SLC13A5: variants seen among roughly 807,000 people sequenced by gnomAD.
SLC13A5 encodes Na(+)/citrate cotransporter.
A neutral mutation model predicts 56.5 loss-of-function variants in SLC13A5; 25 were observed. That is an observed-to-expected ratio of 0.44 (90% CI 0.32 to 0.62). The LOEUF (loss-of-function observed/expected upper bound fraction) is 0.62. Ranked by LOEUF, SLC13A5 falls within the 20% of genes least tolerant of loss-of-function variation. The probability of loss-of-function intolerance (pLI) is 0.04; values close to 1 mark genes in which losing one functional copy is unlikely to be tolerated. For synonymous variants in SLC13A5, 307 were observed against 301.5 expected (o/e 1.02, Z -0.19); for missense variants, 649 against 737.8 (o/e 0.88, Z 1.39).
At chr17:6,690,583 A>G (rs956603847) in intron 10 of SLC13A5, among the ~76,000 whole-genome samples, 196 bp downstream of exon 10, 3 of 152,212 alleles carry the variant, frequency 2.0e-5, no homozygotes, top group African/African-American at 7.2e-5. Flanking sequence ...GGAGGGGTAC[A>G]AAGAGGAGTG....
chr17:6,704,722 G>C (rs1973819879), intron 3 of SLC13A5: 1 of 170,224 alleles, frequency 5.9e-6, no homozygotes, highest in African/African-American at 2.4e-5. Context: ...TGTAACCCCT[G>C]CTCCCTTCTC....
chr17:6,689,705 C>T (rs543973672), intron 10 of SLC13A5: 20 of 152,280 alleles, frequency 1.3e-4, no homozygotes, highest in African/African-American at 4.8e-4. Context: ...ATTTTTAACA[C>T]TTTCATCTTC....
At position 6,686,220 on chromosome 17, in the gene SLC13A5, T is replaced by C. The variant is rs745422423; in HGVS notation, c.1694A>G (p.His565Arg). The change falls in exon 12 of 12, where the codon CAT becomes CGT. Residue 565 changes from histidine to arginine, a missense_variant. By Grantham distance (29) the His-to-Arg change is conservative (BLOSUM62 0). Coordinates refer to ENST00000433363, the MANE Select transcript of SLC13A5 (RefSeq NM_177550.5). ...TTGTGGCTCTTCCTAAGTCTCAATA[T>C]GTGTCACATTAGCCCAGTCAGGGAA... ...DHFPDWANVT[H>R]IET The C allele has an allele frequency of 6.2e-6, 10 of 1,614,122 alleles. No homozygotes were observed. Among genetic ancestry groups the C allele is most frequent in the Non-Finnish European group, 7.6e-6 (9 of 1,180,020 alleles).
Position 6,687,563 on chromosome 17 carries a change from AC to A in SLC13A5, c.1540del (p.Val514CysfsTer13). ...LPVATPPNAI[V>X]FTYGHLKVAD... is the part of the protein sequence containing the mutation. ...AACCTTGAGGTGCCCATAGGTGAAC[AC>A]GATGGCATTTGGAGGGGTGGCCACA... On this transcript the variant is annotated frameshift_variant, in exon 11 of 12. Transcript: ENST00000433363. LOFTEE classifies it high-confidence loss of function. The surrounding 1 kb of genome is among the most constrained non-coding windows in gnomAD (Gnocchi z 5.0). 1 of 1,613,964 alleles carries A rather than the reference AC, an allele frequency of 6.2e-7. No individual in the cohort carries two copies.
At chr17:6,690,696 A>G in intron 10 of SLC13A5, 83 bp downstream of exon 10, 2 of 1,587,520 alleles carry the variant, frequency 1.3e-6, no homozygotes, top group Non-Finnish European at 1.7e-6. Flanking sequence ...TGGCCTGGAC[A>G]TTGCTGCCTC....
At chr17:6,696,240 C>T (rs1158083557) in intron 6 of SLC13A5, among the ~76,000 whole-genome samples, 1 of 152,162 alleles carries the variant, frequency 6.6e-6, no homozygotes, top group African/African-American at 2.4e-5. Context: ...GCTTCGGAGC[C>T]TGCGCAAGGT....
At position 6,711,592 on chromosome 17, in the gene SLC13A5, G is replaced by GTT. The variant is rs1974032650; in HGVS notation, c.102+1639_102+1640insAA. Among the ~76,000 whole-genome samples, 1 of 150,992 alleles carries GTT rather than the reference G, an allele frequency of 6.6e-6. No homozygotes were observed. Among genetic ancestry groups the GTT allele is most frequent in the African/African-American group, 2.4e-5 (1 of 41,020 alleles). ...TGTGTGTCTGTGTTTGTGTGTTTGGGTGTGTGTTTGTGCGTGTGTTTTTGT... is the reference window on the plus strand; with the variant it reads ...TGTGTGTCTGTGTTTGTGTGTTTGGGTTTGTGTGTTTGTGCGTGTGTTTTTGT... On this transcript the variant is annotated intron_variant, in intron 1 of 11. Transcript: ENST00000433363. This position sits in a 1 kb window ranked among gnomAD's most constrained non-coding sequence, Gnocchi z 4.0.
rs1223073326 is a variant in SLC13A5 at position 6,707,090 on chromosome 17, C to G, written c.169G>C (p.Ala57Pro). ...IYWCTEVIPLAVTSLMPVLLF... is the reference protein window; with the variant it reads ...IYWCTEVIPLPVTSLMPVLLF... ...AAGACAGGCATGAGAGAGGTGACAG[C>G]CAGAGGGATGACTTCTGTGCACCAG... The change falls in exon 2 of 12, where the codon GCT becomes CCT. Residue 57 changes from alanine (A) to proline (P), a missense_variant. By Grantham distance (27) the Ala-to-Pro change is conservative. Coordinates refer to ENST00000433363, the MANE Select transcript of SLC13A5 (RefSeq NM_177550.5). The G allele has an allele frequency of 6.2e-7, 1 of 1,613,906 alleles. No individual in the cohort carries two copies. The highest frequency in any genetic ancestry group is 2.2e-5 in the East Asian group (1 of 44,884).
chr17:6,693,707 A>T (rs957993749), intron 8 of SLC13A5: 2 of 161,680 alleles, frequency 1.2e-5, no homozygotes, highest in East Asian at 3.6e-4. Flanking sequence ...CAAAAGTGGT[A>T]GAAGAAACAA....
Position 6,685,192 on chromosome 17 carries a change from G to A in SLC13A5, c.*1015C>T, listed in dbSNP as rs1197309472. 1 of 152,260 alleles carries A rather than the reference G, an allele frequency of 6.6e-6. No individual in the cohort carries two copies. The highest frequency in any genetic ancestry group is 1.5e-5 in the Non-Finnish European group (1 of 68,076). The allele number at this position is 152,260 out of a possible 1,614,324, so 9.4% of individuals were successfully genotyped here. A position where few individuals can be genotyped will look rare whatever the true frequency, so the allele number is the denominator to read the frequency against. On this transcript the variant is annotated 3_prime_UTR_variant, in exon 12 of 12. Transcript: ENST00000433363. The surrounding 1 kb of genome is among the most constrained non-coding windows in gnomAD (Gnocchi z 4.2). ...TTTACCCAGAGGAGCTCAAACGCTG[G>A]CATGAAAGACTCTGAAGTGGCATAG...
chr17:6,692,073 C>T lies in SLC13A5; in HGVS notation c.1275+971G>A, dbSNP rs929197536. Among the ~76,000 whole-genome samples the T allele has an allele frequency of 2.0e-5, 3 of 151,902 alleles. No individual in the cohort carries two copies. The highest frequency in any genetic ancestry group is 6.6e-5 in the Admixed American group (1 of 15,260). ...CTCAATCTCCTCTGTAATCTCTGTG[C>T]CTGGCATAACACTAGGGACATAATA... On this transcript the variant is annotated intron_variant, in intron 9 of 11. Coordinates refer to ENST00000433363, the MANE Select transcript of SLC13A5 (RefSeq NM_177550.5). The surrounding 1 kb of genome is among the most constrained non-coding windows in gnomAD (Gnocchi z 5.5).
At chr17:6,698,833 T>C (rs1005115939) in intron 6 of SLC13A5, among the ~76,000 whole-genome samples, 2 of 151,724 alleles carry the variant, frequency 1.3e-5, no homozygotes, top group Non-Finnish European at 2.9e-5. Context: ...AGGTTAGGAG[T>C]TCAAGACCAG....
At position 6,711,504 on chromosome 17, in the gene SLC13A5, GTGTA is replaced by G. The variant is rs768298720; in HGVS notation, c.102+1724_102+1727del. Among the ~76,000 whole-genome samples, 1 of 124,082 alleles carries G rather than the reference GTGTA, an allele frequency of 8.1e-6. No individual in the cohort carries two copies. Among genetic ancestry groups the G allele is most frequent in the African/African-American group, 5.6e-5 (1 of 17,782 alleles). The allele number at this position is 124,082 out of a possible 152,430, so 81.4% of individuals were successfully genotyped here. ...GTTCAGGGTGTGTGTGTGTGTGTGT[GTGTA>G]TGTGTATGTGTGTGTTTGTGTTTTT... On this transcript the variant is annotated intron_variant, in intron 1 of 11. Coordinates refer to ENST00000433363, the MANE Select transcript of SLC13A5 (RefSeq NM_177550.5). The surrounding 1 kb of genome is among the most constrained non-coding windows in gnomAD (Gnocchi z 4.0).
At chr17:6,710,079 C>T (rs898217705) in intron 1 of SLC13A5, among the ~76,000 whole-genome samples, 1 of 152,184 alleles carries the variant, frequency 6.6e-6, no homozygotes, top group Non-Finnish European at 1.5e-5. Context: ...GACTGGAAGC[C>T]CAGGCTTTGA....
Position 6,701,164 on chromosome 17 carries a change from C to G in SLC13A5, c.717-38G>C. Reference sequence around the variant, plus strand: ...ACCGGCCCCCACCTCAGATGCTGAGCTGTGGGAGCCAGCCTGGCCCTGTGC... The same window carrying G: ...ACCGGCCCCCACCTCAGATGCTGAGGTGTGGGAGCCAGCCTGGCCCTGTGC... On this transcript the variant is annotated intron_variant, in intron 5 of 11. Transcript: ENST00000433363. This position sits in a 1 kb window ranked among gnomAD's most constrained non-coding sequence, Gnocchi z 4.1. 4 of 1,610,912 alleles carry G rather than the reference C, an allele frequency of 2.5e-6. No individual in the cohort carries two copies. The highest frequency in any genetic ancestry group is 3.4e-6 in the Non-Finnish European group (4 of 1,178,696).
chr17:6,690,868 A>G lies in SLC13A5; in HGVS notation c.1348T>C (p.Leu450=). The change falls in exon 10 of 12, where the codon TTG becomes CTG. Residue 450 remains leucine, a synonymous_variant. Coordinates refer to ENST00000433363, the MANE Select transcript of SLC13A5 (RefSeq NM_177550.5). ...ACGGCAACGAGCAAGGACAAGATCA[A>G]GGTGATGGCTGCCGGGGGCACTGCG... The part of the protein sequence containing the change: ...LHAVPPAAIT[L]ILSLLVAVFT... The G allele has an allele frequency of 6.2e-7, 1 of 1,614,266 alleles. No homozygotes were observed. Among genetic ancestry groups the G allele is most frequent in the Non-Finnish European group, 8.5e-7 (1 of 1,180,052 alleles).
At chr17:6,708,332 AGTACCCTCCCC>A (rs1973927062) in intron 1 of SLC13A5, among the ~76,000 whole-genome samples, 1 of 152,146 alleles carries the variant, frequency 6.6e-6, no homozygotes, top group African/African-American at 2.4e-5. Context: ...CCTTCCTCTG[AGTACCCTCCCC>A]AGCCATTAGC....
chr17:6,694,483 T>A (rs1263633341), intron 7 of SLC13A5, among the ~76,000 whole-genome samples: 31 of 152,082 alleles, frequency 2.0e-4, no homozygotes, highest in Admixed American at 2.0e-3. Flanking sequence ...CCAGACATGC[T>A]GGCGGGCGCC....
chr17:6,706,343 C>G (rs1250703248), intron 3 of SLC13A5, among the ~76,000 whole-genome samples: 1 of 152,172 alleles, frequency 6.6e-6, no homozygotes, highest in African/African-American at 2.4e-5. Flanking sequence ...CAATTTGTTC[C>G]CGGTGGAACC....
Sources: allele counts gnomAD v4.1 joint callset (sites outside exome capture counted in the v4.1 genomes callset), GRCh38; gene constraint gnomAD v4.1.1; non-coding constraint Gnocchi (gnomAD v3.1); transcripts MANE v1.5; gene names NCBI Gene and HGNC (gene_info 2026-07-23, HGNC 2026-07-21).